EYS: variants seen among roughly 807,000 people sequenced by gnomAD.
EYS encodes the protein EGF-like photoreceptor maintenance factor.
EYS carries 250 observed loss-of-function variants against 282.1 expected under a neutral mutation model. The observed-to-expected ratio is 0.89, with a 90% CI of 0.80 to 0.98. EYS has a LOEUF of 0.98. EYS is among the 50% of genes least tolerant of loss of function. The pLI, the probability that EYS is intolerant of heterozygous loss-of-function variation, is 0.00. For missense variants in EYS, 4,016 were observed against 3,709.0 expected (o/e 1.08, Z -2.15); for synonymous variants, 1,355 against 1,282.9 (o/e 1.06, Z -1.20).
At chr6:63,802,143 CT>C (rs1436931851) in intron 37 of EYS, among the ~76,000 whole-genome samples, 1 of 152,162 alleles carries the variant, frequency 6.6e-6, no homozygotes, top group East Asian at 1.9e-4. Context: ...AAAAGACTCA[CT>C]TCTTTAATTC....
intron 5 of EYS, among the ~76,000 whole-genome samples, chr6:65,467,988 C>T (rs1562202884): frequency 1.3e-5 from 2 of 152,110 alleles, no homozygotes; most frequent in Non-Finnish European, 1.5e-5. Context: ...ATGCACATCA[C>T]TGACTGTGGG....
intron 35 of EYS, among the ~76,000 whole-genome samples, chr6:63,945,007 AT>A (rs1474597529): frequency 2.1e-4 from 32 of 152,308 alleles, no homozygotes; most frequent in African/African-American, 7.2e-4. Flanking sequence ...GTAAAAAAAA[AT>A]ATTGTCAATG....
At chr6:64,522,918 A>G (rs1361783527) in intron 26 of EYS, among the ~76,000 whole-genome samples, 1 of 151,812 alleles carries the variant, frequency 6.6e-6, no homozygotes, top group African/African-American at 2.4e-5. Flanking sequence ...TTGGGTGATC[A>G]AAAGAATATC....
intron 26 of EYS, among the ~76,000 whole-genome samples, chr6:64,538,190 G>A (rs910905235): frequency 6.6e-6 from 1 of 152,146 alleles, no homozygotes; most frequent in Non-Finnish European, 1.5e-5. Flanking sequence ...AGGGAACCAA[G>A]GTTTTATTTA....
intron 35 of EYS, among the ~76,000 whole-genome samples, chr6:63,926,628 T>C (rs564903955): frequency 1.3e-5 from 2 of 152,324 alleles, no homozygotes; most frequent in Admixed American, 1.3e-4. Flanking sequence ...TTGGGCCACA[T>C]TTTGACAGTT....
intron 14 of EYS, among the ~76,000 whole-genome samples, chr6:64,955,326 G>A (rs1351233325): frequency 6.6e-6 from 1 of 151,394 alleles, no homozygotes; most frequent in South Asian, 2.1e-4. Context: ...AATTGAAGAG[G>A]ACATCAAAAA....
Position 64,414,481 on chromosome 6 carries a change from A to G in EYS, c.5927+21693T>C, listed in dbSNP as rs547032978. 2.6e-5 allele frequency among the ~76,000 whole-genome samples: 4 copies of G among 152,308 alleles called. No individual in the cohort carries two copies. In the South Asian group the frequency reaches 8.3e-4, roughly 32 times the overall value. ...TCTTATATCAGACAAATGAAACAAA[A>G]TAAGTAAGAGAAAATAAGACATTCA... On this transcript the variant is annotated intron_variant, in intron 28 of 42. Transcript: ENST00000503581.
chr6:63,738,256 T>G (rs565584984), intron 41 of EYS, among the ~76,000 whole-genome samples: 2 of 152,226 alleles, frequency 1.3e-5, no homozygotes, highest in Admixed American at 1.3e-4. Context: ...CAAAGGACTA[T>G]AAATCATGCT....
intron 31 of EYS, among the ~76,000 whole-genome samples, chr6:64,227,863 G>C (rs1048207329): frequency 1.3e-5 from 2 of 152,024 alleles, no homozygotes; most frequent in Non-Finnish European, 2.9e-5. Context: ...ACATTTCTAA[G>C]AAGTTATATA....
intron 33 of EYS, among the ~76,000 whole-genome samples, chr6:64,016,162 C>A (rs950145442): frequency 6.6e-6 from 1 of 152,114 alleles, no homozygotes; most frequent in Non-Finnish European, 1.5e-5. Context: ...GTGACAGAGA[C>A]CTTCACAGGG....
intron 33 of EYS, among the ~76,000 whole-genome samples, chr6:64,065,072 T>G (rs1476936847): frequency 2.0e-5 from 3 of 152,196 alleles, no homozygotes; most frequent in African/African-American, 7.2e-5. Context: ...ACACCCTCAT[T>G]TCTTCATTCA....
chr6:64,241,597 C>G (rs1365802240), intron 30 of EYS, among the ~76,000 whole-genome samples: 1 of 150,768 alleles, frequency 6.6e-6, no homozygotes, highest in African/African-American at 2.5e-5. Flanking sequence ...TTGTATCTAT[C>G]TATTTTGTTG....
intron 1 of EYS, among the ~76,000 whole-genome samples, chr6:65,681,046 G>T (rs907410151): frequency 1.5e-4 from 23 of 150,098 alleles, no homozygotes; most frequent in Admixed American, 1.3e-3. Context: ...CATCTATGGG[G>T]GCCAACAGCT....
chr6:64,432,435 G>A (rs889626523), intron 28 of EYS, among the ~76,000 whole-genome samples: 2 of 151,612 alleles, frequency 1.3e-5, no homozygotes, highest in African/African-American at 4.8e-5. Context: ...CAAGGACAAG[G>A]TAGAATTTAA....
chr6:64,335,036 T>C (rs1380337927), intron 29 of EYS, among the ~76,000 whole-genome samples: 1 of 152,058 alleles, frequency 6.6e-6, no homozygotes, highest in Non-Finnish European at 1.5e-5. Context: ...ACCCGAATAA[T>C]GGTTCTGCAA....
intron 5 of EYS, among the ~76,000 whole-genome samples, chr6:65,474,620 A>C (rs1054169286): frequency 6.6e-6 from 1 of 152,160 alleles, no homozygotes; most frequent in Non-Finnish European, 1.5e-5. Context: ...GCAACATCTA[A>C]GCCAATGGCT....
intron 28 of EYS, among the ~76,000 whole-genome samples, chr6:64,423,065 A>G (rs1032159149): frequency 6.6e-6 from 1 of 152,106 alleles, no homozygotes; most frequent in African/African-American, 2.4e-5. Context: ...CATTCATTCA[A>G]TCAATCACTC....
intron 22 of EYS, among the ~76,000 whole-genome samples, chr6:64,667,445 T>C (rs955004467): frequency 2.6e-5 from 4 of 151,672 alleles, no homozygotes; most frequent in Non-Finnish European, 5.9e-5. Context: ...CTTTTACATC[T>C]TGGATGGATT....
chr6:64,326,585 G>T (rs1254902697), intron 29 of EYS, among the ~76,000 whole-genome samples: 2 of 151,902 alleles, frequency 1.3e-5, no homozygotes, highest in Non-Finnish European at 2.9e-5. Flanking sequence ...ACCTTTTTTG[G>T]TCTCTCCAGT....
Sources: allele counts gnomAD v4.1 joint callset (sites outside exome capture counted in the v4.1 genomes callset), GRCh38; gene constraint gnomAD v4.1.1; transcripts MANE v1.5; gene names NCBI Gene and HGNC (gene_info 2026-07-23, HGNC 2026-07-21).